SLC18A1: variants seen among roughly 807,000 people sequenced by gnomAD.
SLC18A1 encodes solute carrier family 18 member A1.
In SLC18A1, 69 loss-of-function variants were observed where a neutral mutation model predicts 53.7. The observed-to-expected ratio is 1.28, with a 90% CI of 1.06 to 1.57. The LOEUF (loss-of-function observed/expected upper bound fraction) is 1.57, where lower values mean the gene tolerates loss of function less well. Among genes scored for constraint, SLC18A1 ranks in the 40% most tolerant of loss-of-function variants. The pLI, the probability that SLC18A1 is intolerant of heterozygous loss-of-function variation, is 0.00. For missense variants in SLC18A1, 932 were observed against 668.1 expected, an observed-to-expected ratio of 1.40 and a Z score of -4.35; for synonymous variants, 320 against 248.1, an observed-to-expected ratio of 1.29 and a Z score of -2.72.
chr8:20,181,583 C>CA (rs371190375), intron 1 of SLC18A1, among the ~76,000 whole-genome samples: 5 of 152,182 alleles, frequency 3.3e-5, no homozygotes, highest in African/African-American at 1.2e-4. Flanking sequence ...CCCTAACTCT[C>CA]AAAAAATTTT....
chr8:20,150,562 T>A (rs763690202), intron 11 of SLC18A1, 104 bp downstream of exon 11: 12 of 1,049,370 alleles, frequency 1.1e-5, no homozygotes, highest in Non-Finnish European at 1.8e-5. Context: ...GTACTCATCC[T>A]AAACTTTCAA....
At chr8:20,155,108 T>A (rs111628201) in intron 10 of SLC18A1, among the ~76,000 whole-genome samples, 1 of 151,994 alleles carries the variant, frequency 6.6e-6, no homozygotes, top group Non-Finnish European at 1.5e-5. Flanking sequence ...TTCCATTCCT[T>A]GGAATCTGTG....
At chr8:20,160,586 G>A (rs1171593529) in intron 10 of SLC18A1, among the ~76,000 whole-genome samples, 1 of 152,012 alleles carries the variant, frequency 6.6e-6, no homozygotes, top group Non-Finnish European at 1.5e-5. Context: ...ATAGTATCCT[G>A]TATTCCACGC....
chr8:20,154,153 T>G (rs1422091530), intron 10 of SLC18A1, among the ~76,000 whole-genome samples: 2 of 152,212 alleles, frequency 1.3e-5, no homozygotes, highest in African/African-American at 2.4e-5. Context: ...CCTCTTTTCT[T>G]TATAAATTAC....
intron 8 of SLC18A1, among the ~76,000 whole-genome samples, chr8:20,167,085 G>C (rs376736903): frequency 2.0e-5 from 3 of 149,982 alleles, no homozygotes; most frequent in African/African-American, 7.4e-5. Flanking sequence ...ATCTTGAACA[G>C]ACTAAGATAA....
At position 20,151,726 on chromosome 8, in the gene SLC18A1, A is replaced by G. The variant is rs1382567962; in HGVS notation, c.1016-982T>C. On this transcript the variant is annotated intron_variant, in intron 10 of 15. Coordinates refer to ENST00000276373, the MANE Select transcript of SLC18A1 (RefSeq NM_003053.4). ...ACACAAAGCTCCAAATTTTGCATTC[A>G]AACCATGGCTTGATGACTTGTTAGC... Among the ~76,000 whole-genome samples, 4 of 152,342 alleles carry G rather than the reference A, an allele frequency of 2.6e-5. No homozygotes were observed. The East Asian group carries it at 5.8e-4, about 22-fold the overall frequency.
intron 8 of SLC18A1, among the ~76,000 whole-genome samples, chr8:20,165,686 C>T (rs894196693): frequency 8.0e-4 from 122 of 152,138 alleles, no homozygotes; most frequent in African/African-American, 2.9e-3. Flanking sequence ...AACTTGGTCG[C>T]CCCACCCTCT....
At position 20,171,123 on chromosome 8, in the gene SLC18A1, G is replaced by T. The variant is rs778503244; in HGVS notation, c.838C>A (p.Pro280Thr). 5.0e-6 allele frequency: 8 copies of T among 1,614,028 alleles called. No homozygotes were observed. The South Asian group carries it at 8.8e-5, about 18-fold the overall frequency. The change falls in exon 8 of 16, where the codon CCT becomes ACT. Residue 280 changes from proline (P) to threonine (T), a missense_variant. By Grantham distance (38) the Pro-to-Thr change is conservative. Transcript: ENST00000276373. ...DGALQLCILQPSKVSPESAKG... is the reference protein window; with the variant it reads ...DGALQLCILQTSKVSPESAKG... ...CTTACCTCAGGAGAGACTTTGGAAG[G>T]CTGTAGGATGCAAAGCTGGAGTGCT...
chr8:20,179,283 G>C lies in SLC18A1; in HGVS notation c.326C>G (p.Thr109Ser), dbSNP rs764134577. Residue 109 changes from threonine to serine, a missense_variant, in exon 3 of 16, where the codon ACC (threonine) becomes AGC (serine). Coordinates refer to ENST00000276373, the MANE Select transcript of SLC18A1 (RefSeq NM_003053.4). Reference sequence around the variant, plus strand: ...GGCTTCAGTGGCTGGAGGTGGGATGGTGCTGGCAGTGTCATTCATCCATGC... The same window carrying C: ...GGCTTCAGTGGCTGGAGGTGGGATGCTGCTGGCAGTGTCATTCATCCATGC... ...GIAWMNDTAS[T>S]IPPPATEAIS... 1 of 1,614,180 alleles carries C rather than the reference G, an allele frequency of 6.2e-7. No individual in the cohort carries two copies. Among genetic ancestry groups the C allele is most frequent in the Middle Eastern group, 1.6e-4 (1 of 6,062 alleles).
chr8:20,167,661 CCCA>C (rs2072002999), intron 8 of SLC18A1, among the ~76,000 whole-genome samples: 1 of 151,942 alleles, frequency 6.6e-6, no homozygotes, highest in Non-Finnish European at 1.5e-5. Flanking sequence ...TGCTCTGTAG[CCCA>C]GACTGGAGTG....
intron 10 of SLC18A1, among the ~76,000 whole-genome samples, chr8:20,161,919 C>G (rs181916691): frequency 6.6e-6 from 1 of 152,258 alleles, no homozygotes; most frequent in East Asian, 1.9e-4. Flanking sequence ...GCTGGTGCCC[C>G]TACAGTTCCG....
chr8:20,170,388 C>A (rs540202290), intron 8 of SLC18A1, among the ~76,000 whole-genome samples: 4 of 152,114 alleles, frequency 2.6e-5, no homozygotes, highest in African/African-American at 9.7e-5. Flanking sequence ...GCTCCTGGTG[C>A]GTGAAAAGCC....
chr8:20,172,276 G>A (rs966957757), intron 6 of SLC18A1, among the ~76,000 whole-genome samples: 12 of 152,336 alleles, frequency 7.9e-5, no homozygotes, highest in Non-Finnish European at 7.4e-5. Context: ...GTTTAGCTTG[G>A]GCATTTGGGT....
At chr8:20,175,366 G>C (rs1409562225) in intron 4 of SLC18A1, 1 of 152,152 alleles carries the variant, frequency 6.6e-6, no homozygotes, top group African/African-American at 2.4e-5. Flanking sequence ...CGAAGACCAT[G>C]GGATTAAGAG....
At chr8:20,161,212 G>A (rs896302032) in intron 10 of SLC18A1, among the ~76,000 whole-genome samples, 4 of 152,148 alleles carry the variant, frequency 2.6e-5, no homozygotes, top group Non-Finnish European at 5.9e-5. Flanking sequence ...TTATGGGTGA[G>A]ATTCAAGGTA....
At chr8:20,168,297 T>A (rs1488300314) in intron 8 of SLC18A1, among the ~76,000 whole-genome samples, 1 of 151,640 alleles carries the variant, frequency 6.6e-6, no homozygotes, top group African/African-American at 2.4e-5. Flanking sequence ...AACCCAAGAG[T>A]TGGAGGCTAC....
Position 20,165,052 on chromosome 8 carries a change from GC to G in SLC18A1, c.913del (p.Ala305LeufsTer23), listed in dbSNP as rs1308758232. The G allele has an allele frequency of 6.2e-7, 1 of 1,614,044 alleles. No homozygotes were observed. The highest frequency in any genetic ancestry group is 8.5e-7 in the Non-Finnish European group (1 of 1,180,006). On this transcript the variant is annotated frameshift_variant, in exon 9 of 16. Coordinates refer to ENST00000276373, the MANE Select transcript of SLC18A1 (RefSeq NM_003053.4). LOFTEE classifies it high-confidence loss of function. ...MLLKDPYILVAAGSICFANMG... is the reference protein window; with the variant it reads ...MLLKDPYILVXAGSICFANMG... ...GGAGGTCATCGCCAGCTTACCTGCA[GC>G]CACCAGGATGTAAGGGTCTTTGAGA...
intron 8 of SLC18A1, among the ~76,000 whole-genome samples, chr8:20,165,825 A>G (rs2071944310): frequency 6.6e-6 from 1 of 152,130 alleles, no homozygotes; most frequent in Non-Finnish European, 1.5e-5. Flanking sequence ...CTTCTTTTCT[A>G]GAGAGCTCCC....
At chr8:20,170,505 T>G (rs2072085156) in intron 8 of SLC18A1, among the ~76,000 whole-genome samples, 1 of 152,152 alleles carries the variant, frequency 6.6e-6, no homozygotes, top group Non-Finnish European at 1.5e-5. Flanking sequence ...TTGATGCACT[T>G]TCTTACTTTT....
Sources: allele counts gnomAD v4.1 joint callset (sites outside exome capture counted in the v4.1 genomes callset), GRCh38; gene constraint gnomAD v4.1.1; transcripts MANE v1.5; gene names NCBI Gene and HGNC (gene_info 2026-07-23, HGNC 2026-07-21).